ARHGAP32: variants seen among roughly 807,000 people sequenced by gnomAD.
ARHGAP32 encodes Rho GTPase activating protein 32.
ARHGAP32 carries 51 observed loss-of-function variants against 186.5 expected under a neutral mutation model. The observed-to-expected ratio is 0.27, with a 90% CI of 0.22 to 0.35. The LOEUF (loss-of-function observed/expected upper bound fraction) is 0.35, where lower values mean the gene tolerates loss of function less well. ARHGAP32 is among the 10% of genes least tolerant of loss of function. ARHGAP32 has a pLI of 1.00. For synonymous variants in ARHGAP32, 950 were observed against 964.3 expected, an observed-to-expected ratio of 0.99 and a Z score of 0.27; for missense variants, 2,186 against 2,623.5, an observed-to-expected ratio of 0.83 and a Z score of 3.64.
At chr11:129,016,839 A>G (rs1938365933) in intron 11 of ARHGAP32, among the ~76,000 whole-genome samples, 1 of 152,226 alleles carries the variant, frequency 6.6e-6, no homozygotes. Context: ...TTTCTTTTCC[A>G]TGAACATAAT....
intron 2 of ARHGAP32, among the ~76,000 whole-genome samples, chr11:129,148,586 T>C (rs910438246): frequency 6.6e-6 from 1 of 152,106 alleles, no homozygotes; most frequent in Non-Finnish European, 1.5e-5. Context: ...CTGAAATAAG[T>C]AGTAATTCTG....
chr11:129,009,131 A>T (rs1442943245), intron 11 of ARHGAP32, among the ~76,000 whole-genome samples: 3 of 152,210 alleles, frequency 2.0e-5, no homozygotes, highest in Non-Finnish European at 4.4e-5. Context: ...TTCTACATGG[A>T]AAGAGTATGT....
intron 10 of ARHGAP32, among the ~76,000 whole-genome samples, chr11:129,049,736 T>C (rs1319563352): frequency 1.3e-5 from 2 of 152,218 alleles, no homozygotes; most frequent in African/African-American, 4.8e-5. Context: ...TGCTAAGTAA[T>C]ATTCTATTGT....
At chr11:128,992,286 C>A (rs764914367) in intron 12 of ARHGAP32, among the ~76,000 whole-genome samples, 2 of 151,994 alleles carry the variant, frequency 1.3e-5, no homozygotes, top group African/African-American at 2.4e-5. Context: ...ACCTAGTTTT[C>A]TATAAAACTC....
chr11:129,078,407 C>T (rs1307376292), intron 6 of ARHGAP32, among the ~76,000 whole-genome samples: 1 of 152,134 alleles, frequency 6.6e-6, no homozygotes, highest in Non-Finnish European at 1.5e-5. Context: ...GGTTAACACC[C>T]CCAAAAGATC....
At chr11:129,022,356 G>A (rs183322893) in intron 11 of ARHGAP32, among the ~76,000 whole-genome samples, 206 of 152,214 alleles carry the variant, frequency 1.4e-3, no homozygotes, top group Non-Finnish European at 1.8e-3. Context: ...ATCAGAGGTG[G>A]TTTTTGATTT....
intron 1 of ARHGAP32, among the ~76,000 whole-genome samples, chr11:129,257,691 A>T (rs989558212): frequency 4.9e-5 from 6 of 123,612 alleles, no homozygotes; most frequent in African/African-American, 1.8e-4. Context: ...AGAAGCAGTA[A>T]GTTAATAATT....
At chr11:129,037,966 T>C (rs2135005875) in intron 11 of ARHGAP32, among the ~76,000 whole-genome samples, 1 of 151,882 alleles carries the variant, frequency 6.6e-6, no homozygotes, top group African/African-American at 2.4e-5. Context: ...CCAGGTGTGG[T>C]GGCACACACC....
intron 5 of ARHGAP32, among the ~76,000 whole-genome samples, chr11:129,099,341 C>T (rs1438943643): frequency 1.3e-5 from 2 of 152,202 alleles, no homozygotes; most frequent in Admixed American, 1.3e-4. Flanking sequence ...TGTGTTACAA[C>T]TGCCTATAGT....
At chr11:129,203,908 CAT>C (rs904317726) in intron 1 of ARHGAP32, among the ~76,000 whole-genome samples, 22 of 147,256 alleles carry the variant, frequency 1.5e-4, no homozygotes, top group African/African-American at 5.0e-4. Context: ...AAAAAAATTG[CAT>C]ATATATATAA....
intron 10 of ARHGAP32, among the ~76,000 whole-genome samples, chr11:129,054,301 A>G (rs1023044407): frequency 2.0e-5 from 3 of 152,156 alleles, no homozygotes; most frequent in Non-Finnish European, 4.4e-5. Context: ...AGGGAGAAAC[A>G]AAACACAATT....
chr11:129,230,587 A>AT (rs5795662), intron 1 of ARHGAP32, among the ~76,000 whole-genome samples: 152,339 of 152,340 alleles, frequency 1, 76,169 homozygotes, highest in Non-Finnish European at 1. Context: ...TAGTATAGGC[A>AT]TTGTGTCTTC....
chr11:129,011,126 T>C (rs2134825583), intron 11 of ARHGAP32, among the ~76,000 whole-genome samples: 2 of 152,330 alleles, frequency 1.3e-5, no homozygotes, highest in South Asian at 4.1e-4. Flanking sequence ...GATTAAATAG[T>C]AATACGGATA....
At chr11:129,183,152 T>C (rs1944090564) in intron 1 of ARHGAP32, among the ~76,000 whole-genome samples, 1 of 152,114 alleles carries the variant, frequency 6.6e-6, no homozygotes, top group Non-Finnish European at 1.5e-5. Flanking sequence ...CCTATGAACG[T>C]GGGTATATTT....
chr11:128,980,349 C>T (rs1945672490), intron 18 of ARHGAP32: 4 of 426,998 alleles, frequency 9.4e-6, no homozygotes, highest in Middle Eastern at 6.3e-4. Context: ...TATAAAATTA[C>T]ATGACATTGT....
chr11:129,125,925 T>C (rs1437738183), intron 2 of ARHGAP32: 1 of 441,394 alleles, frequency 2.3e-6, no homozygotes, highest in South Asian at 1.6e-5. Flanking sequence ...GATTCTTTAG[T>C]AATGAAACAG....
chr11:129,134,201 C>T (rs928440833), intron 2 of ARHGAP32, among the ~76,000 whole-genome samples: 1 of 151,412 alleles, frequency 6.6e-6, no homozygotes, highest in Admixed American at 6.6e-5. Context: ...AAATTCCAAA[C>T]CCTGTTCATT....
rs781637467 is a variant in ARHGAP32 at position 128,971,032 on chromosome 11, G to A, written c.4181C>T (p.Pro1394Leu). The part of the protein sequence containing the change: ...AQCPMATAVQ[P>L]GLPEKVRDGA... Reference sequence around the variant, plus strand: ...GTCCCGCACTTTCTCAGGCAGGCCTGGCTGGACAGCTGTAGCCATGGGACA... The same window carrying A: ...GTCCCGCACTTTCTCAGGCAGGCCTAGCTGGACAGCTGTAGCCATGGGACA... The change falls in exon 23 of 23, where the codon CCA becomes CTA. Residue 1394 changes from proline (P) to leucine (L), a missense_variant. This residue lies in a region of ARHGAP32 where 1,502 missense variants were observed against 1,570.0 expected (regional missense o/e 0.96). Transcript: ENST00000682385. The A allele has an allele frequency of 1.9e-6, 3 of 1,613,856 alleles. No homozygotes were observed. The highest frequency in any genetic ancestry group is 2.5e-6 in the Non-Finnish European group (3 of 1,180,046).
chr11:129,064,341 C>T (rs981594761), intron 8 of ARHGAP32, among the ~76,000 whole-genome samples: 2 of 152,016 alleles, frequency 1.3e-5, no homozygotes, highest in East Asian at 1.9e-4. Flanking sequence ...GCAGGTTGGC[C>T]CATAGTTCTA....
Sources: allele counts gnomAD v4.1 joint callset (sites outside exome capture counted in the v4.1 genomes callset), GRCh38; gene constraint gnomAD v4.1.1; regional missense constraint gnomAD v4.1.1; transcripts MANE v1.5; gene names NCBI Gene and HGNC (gene_info 2026-07-23, HGNC 2026-07-21).